Variants in ADGRL2 observed in about 807,000 individuals in gnomAD.
The protein encoded by ADGRL2 is calcium-independent alpha-latrotoxin receptor 2.
ADGRL2 carries 44 observed loss-of-function variants against 157.4 expected under a neutral mutation model. The observed-to-expected ratio is 0.28, with a 90% CI of 0.22 to 0.36. The LOEUF (loss-of-function observed/expected upper bound fraction) is 0.36. Among genes scored for constraint, ADGRL2 ranks in the 10% least tolerant of loss-of-function variants. The pLI is 1.00. For missense variants in ADGRL2, 1,510 were observed against 1,768.9 expected (o/e 0.85, Z 2.63); for synonymous variants, 585 against 624.7 (o/e 0.94, Z 0.95).
intron 2 of ADGRL2, among the ~76,000 whole-genome samples, chr1:81,468,179 G>A (rs931166976): frequency 4.6e-5 from 7 of 152,126 alleles, no homozygotes; most frequent in African/African-American, 1.7e-4. Flanking sequence ...AGATACCAGA[G>A]GGAAATAATT....
At chr1:81,900,922 A>G (rs2094473926) in intron 2 of ADGRL2, among the ~76,000 whole-genome samples, 1 of 152,174 alleles carries the variant, frequency 6.6e-6, no homozygotes, top group Non-Finnish European at 1.5e-5. Flanking sequence ...AAATAAAAAT[A>G]AGAATTCAAG....
intron 2 of ADGRL2, among the ~76,000 whole-genome samples, chr1:81,469,858 A>G (rs1441317302): frequency 6.6e-6 from 1 of 152,172 alleles, no homozygotes; most frequent in Non-Finnish European, 1.5e-5. Context: ...TCTTAAACAC[A>G]TCCTATGCAA....
intron 6 of ADGRL2, among the ~76,000 whole-genome samples, chr1:81,949,065 A>G (rs185176100): frequency 8.5e-5 from 13 of 152,326 alleles, no homozygotes; most frequent in African/African-American, 3.1e-4. Flanking sequence ...TCATGTGTAG[A>G]TAAAGTGTAA....
intron 2 of ADGRL2, among the ~76,000 whole-genome samples, chr1:81,543,326 C>T (rs1344747097): frequency 6.6e-6 from 1 of 151,872 alleles, no homozygotes; most frequent in African/African-American, 2.4e-5. Context: ...GAGTTGTTCA[C>T]CCCTTCCATC....
chr1:81,462,944 A>G (rs75595403), intron 2 of ADGRL2, among the ~76,000 whole-genome samples: 10,740 of 151,608 alleles, frequency 0.071, 429 homozygotes, highest in Middle Eastern at 0.13. Flanking sequence ...GCAAAACCCA[A>G]TTTCTACAAA....
intron 2 of ADGRL2, among the ~76,000 whole-genome samples, chr1:81,458,279 T>A (rs1557703333): frequency 6.6e-6 from 1 of 152,220 alleles, no homozygotes; most frequent in Non-Finnish European, 1.5e-5. Context: ...TTTTCAAGTG[T>A]ACAATAACAT....
intron 1 of ADGRL2, among the ~76,000 whole-genome samples, chr1:81,726,307 T>C (rs1400374352): frequency 6.6e-6 from 1 of 152,106 alleles, no homozygotes; most frequent in Non-Finnish European, 1.5e-5. Context: ...CTGCGGCCAG[T>C]CACATGGGAT....
At chr1:81,361,666 T>C (rs1189973488) in intron 1 of ADGRL2, among the ~76,000 whole-genome samples, 2 of 151,980 alleles carry the variant, frequency 1.3e-5, no homozygotes, top group African/African-American at 4.8e-5. Context: ...TTTGACAATC[T>C]GATGCTTCCA....
chr1:81,870,128 A>T (rs1333637819), intron 2 of ADGRL2, among the ~76,000 whole-genome samples: 1 of 152,078 alleles, frequency 6.6e-6, no homozygotes, highest in African/African-American at 2.4e-5. Flanking sequence ...CATTTTCATG[A>T]GAGTTTTTAC....
At chr1:81,421,032 T>A (rs12728738) in intron 1 of ADGRL2, among the ~76,000 whole-genome samples, 33,676 of 152,004 alleles carry the variant, frequency 0.22, 4,664 homozygotes, top group Non-Finnish European at 0.31. Flanking sequence ...TCAAATAGCA[T>A]CTTTTGGGTT....
At chr1:81,908,486 A>G (rs1406135326) in intron 3 of ADGRL2, among the ~76,000 whole-genome samples, 2 of 152,236 alleles carry the variant, frequency 1.3e-5, no homozygotes, top group Non-Finnish European at 2.9e-5. Context: ...CAGTTGATCC[A>G]TGCACCTACA....
At chr1:81,958,098 G>A (rs1654152168) in intron 11 of ADGRL2, among the ~76,000 whole-genome samples, 1 of 151,434 alleles carries the variant, frequency 6.6e-6, no homozygotes, top group Non-Finnish European at 1.5e-5. Context: ...TCTACTAAAT[G>A]TACAAAAAAT....
At chr1:81,687,435 G>GT (rs1194848687) in intron 3 of ADGRL2, among the ~76,000 whole-genome samples, 2 of 152,158 alleles carry the variant, frequency 1.3e-5, no homozygotes, top group Non-Finnish European at 2.9e-5. Context: ...TTTAAAGTTT[G>GT]TTTTGTCTGA....
At position 81,885,403 on chromosome 1, in the gene ADGRL2, G is replaced by T. The variant is rs2094104860; in HGVS notation, c.74-21614G>T. On this transcript the variant is annotated intron_variant, in intron 2 of 23. Coordinates refer to ENST00000686636, the MANE Select transcript of ADGRL2 (RefSeq NM_001366006.2). ...CTTCTAATGATAAATTAATTCATTAGTAAAAACTTCCCATAAACACAGCTG... is the reference window on the plus strand; with the variant it reads ...CTTCTAATGATAAATTAATTCATTATTAAAAACTTCCCATAAACACAGCTG... Among the ~76,000 whole-genome samples, 3 of 152,136 alleles carry T rather than the reference G, an allele frequency of 2.0e-5. 1 individual carries two copies. The South Asian group carries it at 6.2e-4, about 31-fold the overall frequency.
intron 1 of ADGRL2, among the ~76,000 whole-genome samples, chr1:81,405,558 G>C (rs2076837988): frequency 6.6e-6 from 1 of 150,750 alleles, no homozygotes; most frequent in Non-Finnish European, 1.5e-5. Flanking sequence ...GCTGAGGTGG[G>C]AGGATCACCT....
At chr1:81,527,130 G>C (rs1039785295) in intron 2 of ADGRL2, among the ~76,000 whole-genome samples, 2 of 152,186 alleles carry the variant, frequency 1.3e-5, no homozygotes, top group Non-Finnish European at 2.9e-5. Flanking sequence ...CATTTAATCT[G>C]TTAGGTACTA....
chr1:81,991,220 C>T lies in ADGRL2; in HGVS notation c.*75C>T, dbSNP rs1324591593. ...AGACACCATTGGCCTGACGCAGCTC[C>T]CTCAAACTCTGCTTGAAGAGATGAC... On this transcript the variant is annotated 3_prime_UTR_variant, in exon 24 of 24. Transcript: ENST00000686636. 2.2e-6 allele frequency: 3 copies of T among 1,365,288 alleles called. No homozygotes were observed. In the African/African-American group the frequency reaches 4.3e-5, roughly 20 times the overall value. The allele number at this position is 1,365,288 out of a possible 1,614,324, so 84.6% of individuals were successfully genotyped here.
chr1:81,842,988 C>T (rs1277884319), intron 2 of ADGRL2, among the ~76,000 whole-genome samples: 2 of 152,050 alleles, frequency 1.3e-5, no homozygotes, highest in Non-Finnish European at 2.9e-5. Context: ...GGGGATTTGG[C>T]TGTAAACCTA....
intron 2 of ADGRL2, among the ~76,000 whole-genome samples, chr1:81,486,772 C>G (rs1210276942): frequency 6.6e-6 from 1 of 152,116 alleles, no homozygotes; most frequent in Non-Finnish European, 1.5e-5. Flanking sequence ...AAACCTACCT[C>G]AAGTTTGACA....
Sources: allele counts gnomAD v4.1 joint callset (sites outside exome capture counted in the v4.1 genomes callset), GRCh38; gene constraint gnomAD v4.1.1; transcripts MANE v1.5; gene names NCBI Gene and HGNC (gene_info 2026-07-23, HGNC 2026-07-21).